The following C8orf34 variants were observed in gnomAD, a reference collection of about 807,000 sequenced individuals.
C8orf34 encodes uncharacterized protein C8orf34.
C8orf34 carries 65 observed loss-of-function variants against 68.3 expected under a neutral mutation model. That is an observed-to-expected ratio of 0.95 (90% CI 0.78 to 1.17). C8orf34 has a LOEUF of 1.17. C8orf34 is among the 50% of genes most tolerant of loss of function. The pLI is 0.00. For synonymous variants in C8orf34, 244 were observed against 241.2 expected (o/e 1.01, Z -0.11); for missense variants, 664 against 655.4 (o/e 1.01, Z -0.14).
At chr8:68,811,095 G>A (rs148361555) in intron 12 of C8orf34, among the ~76,000 whole-genome samples, 1,675 of 152,272 alleles carry the variant, frequency 0.011, 16 homozygotes, top group Non-Finnish European at 0.016. Flanking sequence ...TGTGCCATAG[G>A]GCGCCTGTAG....
intron 12 of C8orf34, among the ~76,000 whole-genome samples, chr8:68,809,757 G>A (rs1475573725): frequency 1.3e-5 from 2 of 152,074 alleles, no homozygotes; most frequent in African/African-American, 2.4e-5. Context: ...CTATTCCCTC[G>A]AGCAGATGTT....
chr8:68,701,755 A>T (rs1172192756), intron 8 of C8orf34, among the ~76,000 whole-genome samples: 1 of 152,088 alleles, frequency 6.6e-6, no homozygotes, highest in Non-Finnish European at 1.5e-5. Context: ...TTGTCATCAG[A>T]AGACTAGATT....
chr8:68,511,711 G>A (rs1243818977), intron 5 of C8orf34, among the ~76,000 whole-genome samples: 1 of 152,164 alleles, frequency 6.6e-6, no homozygotes, highest in Non-Finnish European at 1.5e-5. Flanking sequence ...ATTTAACAAT[G>A]CCATAAGTTA....
intron 7 of C8orf34, among the ~76,000 whole-genome samples, chr8:68,565,900 G>T (rs2130215355): frequency 6.6e-6 from 1 of 152,176 alleles, no homozygotes; most frequent in African/African-American, 2.4e-5. Flanking sequence ...TATCCAAAAT[G>T]GGTAATCATT....
intron 7 of C8orf34, among the ~76,000 whole-genome samples, chr8:68,602,910 C>A (rs568482413): frequency 1.3e-5 from 2 of 152,062 alleles, no homozygotes; most frequent in African/African-American, 4.8e-5. Context: ...TTTTCCTGTA[C>A]TTTTTGCTAG....
intron 8 of C8orf34, among the ~76,000 whole-genome samples, chr8:68,665,103 A>G (rs2130822417): frequency 6.6e-6 from 1 of 152,312 alleles, no homozygotes; most frequent in East Asian, 1.9e-4. Context: ...TTTATTGATG[A>G]CAGAAGTTTG....
chr8:68,697,113 T>C (rs571564221), intron 8 of C8orf34, among the ~76,000 whole-genome samples: 1 of 152,236 alleles, frequency 6.6e-6, no homozygotes, highest in South Asian at 2.1e-4. Context: ...ACACTGCATA[T>C]TAAATAAACA....
At chr8:68,717,687 G>A (rs1821517109) in intron 9 of C8orf34, among the ~76,000 whole-genome samples, 1 of 151,912 alleles carries the variant, frequency 6.6e-6, no homozygotes, top group Non-Finnish European at 1.5e-5. Flanking sequence ...ACTAATAGAT[G>A]TGATATATTT....
chr8:68,644,803 T>C (rs1819116915), intron 8 of C8orf34, among the ~76,000 whole-genome samples: 1 of 152,168 alleles, frequency 6.6e-6, no homozygotes, highest in Non-Finnish European at 1.5e-5. Context: ...CAGTCAGAAA[T>C]TCAGTGCTGT....
intron 11 of C8orf34, among the ~76,000 whole-genome samples, chr8:68,780,781 C>A (rs1823651752): frequency 1.3e-5 from 2 of 152,056 alleles, no homozygotes; most frequent in South Asian, 2.1e-4. Flanking sequence ...CACATACACA[C>A]CCCACATGGA....
At chr8:68,673,250 G>A (rs1430432809) in intron 8 of C8orf34, among the ~76,000 whole-genome samples, 1 of 151,868 alleles carries the variant, frequency 6.6e-6, no homozygotes, top group Non-Finnish European at 1.5e-5. Flanking sequence ...AGAGGGAAGA[G>A]TAAAGGAGAC....
intron 7 of C8orf34, among the ~76,000 whole-genome samples, chr8:68,607,973 G>A (rs1817905106): frequency 6.6e-6 from 1 of 152,070 alleles, no homozygotes; most frequent in Non-Finnish European, 1.5e-5. Context: ...GGCCAGTGAA[G>A]TTCCTAAAAG....
chr8:68,367,931 A>AAAAAAAAAAAAAAAAG (rs1807377491), intron 1 of C8orf34, among the ~76,000 whole-genome samples: 2 of 145,620 alleles, frequency 1.4e-5, no homozygotes, highest in Non-Finnish European at 1.5e-5. Flanking sequence ...AAAAAAAAAA[A>AAAAAAAAAAAAAAAAG]AAAAAAGAAA....
At position 68,408,013 on chromosome 8, in the gene C8orf34, C is replaced by T. The variant is rs146599074; in HGVS notation, c.328-31486C>T. 5.5e-3 allele frequency among the ~76,000 whole-genome samples: 840 copies of T among 152,182 alleles called. 7 individuals carry two copies. The highest frequency in any genetic ancestry group is 0.018 in the African/African-American group (737 of 41,526). On this transcript the variant is annotated intron_variant, in intron 1 of 13. Coordinates refer to ENST00000518698, the MANE Select transcript of C8orf34 (RefSeq NM_052958.4). ...TACAGGTCCATGACCTGTTAGGAAC[C>T]GGGCTGCACAGCAGGAGGTGAGTGG... is the stretch of plus-strand genomic sequence containing the variant.
intron 1 of C8orf34, among the ~76,000 whole-genome samples, chr8:68,412,383 A>G (rs547023122): frequency 6.6e-6 from 1 of 152,304 alleles, no homozygotes; most frequent in Non-Finnish European, 1.5e-5. Context: ...AATATAGAGG[A>G]AAGGTTACTT....
intron 7 of C8orf34, among the ~76,000 whole-genome samples, chr8:68,595,601 A>G (rs1048689514): frequency 6.6e-6 from 1 of 152,098 alleles, no homozygotes; most frequent in African/African-American, 2.4e-5. Context: ...TTCCCCTGAT[A>G]AATCATTTGA....
chr8:68,614,857 T>G (rs2130588908), intron 7 of C8orf34, among the ~76,000 whole-genome samples: 1 of 152,398 alleles, frequency 6.6e-6, no homozygotes, highest in African/African-American at 2.4e-5. Context: ...GGGATGACAT[T>G]GAATCTATAA....
chr8:68,647,781 G>A lies in C8orf34; in HGVS notation c.1241+7270G>A, dbSNP rs1214357781. Among the ~76,000 whole-genome samples, 9 of 152,080 alleles carry A rather than the reference G, an allele frequency of 5.9e-5. No homozygotes were observed. In the East Asian group the frequency reaches 1.3e-3, roughly 23 times the overall value. ...TTTTTTCATAAATATATCACATGAC[G>A]TTAGAAAAATGCAAAATAGCTTGTG... On this transcript the variant is annotated intron_variant, in intron 8 of 13. Coordinates refer to ENST00000518698, the MANE Select transcript of C8orf34 (RefSeq NM_052958.4).
intron 1 of C8orf34, among the ~76,000 whole-genome samples, chr8:68,392,141 C>T (rs1041680612): frequency 6.6e-6 from 1 of 151,874 alleles, no homozygotes; most frequent in Non-Finnish European, 1.5e-5. Flanking sequence ...TTTTGTTTCC[C>T]TGAGGTCAAA....
Sources: gnomAD v4.1 joint callset for allele counts (sites outside exome capture counted in the v4.1 genomes callset) on GRCh38, gnomAD v4.1.1 for gene constraint, MANE v1.5 for transcripts, NCBI Gene and HGNC (gene_info 2026-07-23, HGNC 2026-07-21) for gene names.